SLC25A37: variants seen among roughly 807,000 people sequenced by gnomAD.
SLC25A37 encodes the protein solute carrier family 25 member 37, also known as mitoferrin-1.
Under a neutral mutation model 31.0 loss-of-function variants are expected in SLC25A37, and 17 were observed. The ratio of observed to expected loss-of-function variants is 0.55; its 90% CI spans 0.38 to 0.82. The LOEUF (loss-of-function observed/expected upper bound fraction) is 0.82, where lower values mean the gene tolerates loss of function less well. SLC25A37 is among the 40% of genes least tolerant of loss of function. The probability of loss-of-function intolerance (pLI) is 0.00; values close to 1 mark genes in which losing one functional copy is unlikely to be tolerated. For synonymous variants in SLC25A37, 222 were observed against 193.0 expected, an observed-to-expected ratio of 1.15 and a Z score of -1.24; for missense variants, 404 against 465.8, an observed-to-expected ratio of 0.87 and a Z score of 1.22.
chr8:23,533,114 AAAG>A (rs1338921026), intron 1 of SLC25A37, among the ~76,000 whole-genome samples: 5 of 152,176 alleles, frequency 3.3e-5, no homozygotes, highest in Admixed American at 6.5e-5. Flanking sequence ...AGGAATCAAA[AAAG>A]GGGTATTTGT....
Position 23,572,200 on chromosome 8 carries a change from C to G in SLC25A37, c.*345C>G, listed in dbSNP as rs1238784245. Reference sequence around the variant, plus strand: ...GAAGAAAATTTGCAGTGACTGAAAACAGTAAAAAAAAAAAAAAAAAAAAAA... The same window carrying G: ...GAAGAAAATTTGCAGTGACTGAAAAGAGTAAAAAAAAAAAAAAAAAAAAAA... On this transcript the variant is annotated 3_prime_UTR_variant, in exon 4 of 4. Transcript: ENST00000519973. The G allele has an allele frequency of 3.7e-5, 2 of 54,398 alleles. No homozygotes were observed. Among genetic ancestry groups the G allele is most frequent in the African/African-American group, 2.4e-4 (2 of 8,334 alleles). 3.4% of individuals were successfully genotyped at this position (54,398 alleles called of 1,614,324 possible). A position where few individuals can be genotyped will look rare whatever the true frequency, so the allele number is the denominator to read the frequency against.
In SLC25A37 at chr8:23,573,852, C is replaced by G; in HGVS notation, c.*1997C>G. The G allele has an allele frequency of 2.2e-6, 1 of 456,686 alleles. No homozygotes were observed. Among genetic ancestry groups the G allele is most frequent in the Non-Finnish European group, 4.4e-6 (1 of 226,968 alleles). The allele number at this position is 456,686 out of a possible 1,614,324, so 28.3% of individuals were successfully genotyped here. A position where few individuals can be genotyped will look rare whatever the true frequency, so the allele number is the denominator to read the frequency against. ...CCCACTCCCCAAAACCAGTTGCAGC[C>G]TCAACCCACATGGGGATGTAGAAAG... On this transcript the variant is annotated 3_prime_UTR_variant, in exon 4 of 4. Transcript: ENST00000519973.
intron 1 of SLC25A37, among the ~76,000 whole-genome samples, chr8:23,558,702 C>G (rs1802431262): frequency 6.6e-6 from 1 of 152,176 alleles, no homozygotes; most frequent in African/African-American, 2.4e-5. Flanking sequence ...TTTCACTGTC[C>G]TGGAGCAGAT....
rs1156743581 is a variant in SLC25A37 at position 23,573,703 on chromosome 8, T to C, written c.*1848T>C. 6.9e-6 allele frequency: 3 copies of C among 435,800 alleles called. No individual in the cohort carries two copies. Among genetic ancestry groups the C allele is most frequent in the Non-Finnish European group, 1.4e-5 (3 of 212,232 alleles). 27.0% of individuals were successfully genotyped at this position (435,800 alleles called of 1,614,324 possible). A position where few individuals can be genotyped will look rare whatever the true frequency, so the allele number is the denominator to read the frequency against. ...TGGAGTTCCTTTTTCAGATCAGGGA[T>C]GGGAAAGAGCCAAACTGGGTACCTC... On this transcript the variant is annotated 3_prime_UTR_variant, in exon 4 of 4. Coordinates refer to ENST00000519973, the MANE Select transcript of SLC25A37 (RefSeq NM_016612.4).
rs1802949975 is a variant in SLC25A37, at chr8:23,575,103, TTTAAAATGCTCATG to T, written c.*3250_*3263del. ...GTTTGCTTTCTTCATTTTTTTTTCTTTTAAAATGCTCATGTCTTATTCCAAGCACCTTCCTCCAA... is the reference window on the plus strand; with the variant it reads ...GTTTGCTTTCTTCATTTTTTTTTCTTTCTTATTCCAAGCACCTTCCTCCAA... On this transcript the variant is annotated 3_prime_UTR_variant, in exon 4 of 4. Transcript: ENST00000519973. 1 of 152,230 alleles carries T rather than the reference TTTAAAATGCTCATG, an allele frequency of 6.6e-6. No homozygotes were observed. The highest frequency in any genetic ancestry group is 2.4e-5 in the African/African-American group (1 of 41,460). 9.4% of individuals were successfully genotyped at this position (152,230 alleles called of 1,614,324 possible). A position where few individuals can be genotyped will look rare whatever the true frequency, so the allele number is the denominator to read the frequency against.
At chr8:23,561,452 GA>G (rs1802513384) in intron 1 of SLC25A37, among the ~76,000 whole-genome samples, 1 of 152,230 alleles carries the variant, frequency 6.6e-6, no homozygotes, top group South Asian at 2.1e-4. Context: ...GTGGGATGGG[GA>G]CAGTCATTAT....
intron 1 of SLC25A37, among the ~76,000 whole-genome samples, chr8:23,531,089 C>T (rs1311280557): frequency 2.0e-5 from 3 of 152,160 alleles, no homozygotes; most frequent in Non-Finnish European, 2.9e-5. Flanking sequence ...TAAAACAAGG[C>T]GTGGGTTAGC....
chr8:23,536,127 G>A (rs1208575249), intron 1 of SLC25A37, among the ~76,000 whole-genome samples: 2 of 152,078 alleles, frequency 1.3e-5, no homozygotes, highest in East Asian at 1.9e-4. Context: ...TGAGTGACTC[G>A]GTTCCAGGAT....
rs533962855 is a variant in SLC25A37, at chr8:23,572,670, T to G, written c.*815T>G. 6.6e-6 allele frequency: 1 copy of G among 152,314 alleles called. No individual in the cohort carries two copies. The highest frequency in any genetic ancestry group is 1.9e-4 in the East Asian group (1 of 5,186). 9.4% of individuals were successfully genotyped at this position (152,314 alleles called of 1,614,324 possible). On this transcript the variant is annotated 3_prime_UTR_variant, in exon 4 of 4. Transcript: ENST00000519973. Reference sequence around the variant, plus strand: ...AGCCACCTTCATGTGCCTTTTTCCTTTGTCTTTCCCCAAAATTCCAGGACC... The same window carrying G: ...AGCCACCTTCATGTGCCTTTTTCCTGTGTCTTTCCCCAAAATTCCAGGACC...
intron 1 of SLC25A37, among the ~76,000 whole-genome samples, chr8:23,549,573 G>A (rs1008385412): frequency 3.9e-5 from 6 of 152,154 alleles, no homozygotes; most frequent in Admixed American, 2.0e-4. Context: ...CCCTTAGAAC[G>A]GCAAGCCTGG....
intron 1 of SLC25A37, among the ~76,000 whole-genome samples, chr8:23,556,433 C>G (rs1802367944): frequency 6.6e-6 from 1 of 151,876 alleles, no homozygotes; most frequent in Non-Finnish European, 1.5e-5. Context: ...GCTATGTTGT[C>G]CAGACTGGGC....
In SLC25A37 at chr8:23,537,509, G is replaced by A. The variant is rs142270781; in HGVS notation, c.210+8297G>A. Among the ~76,000 whole-genome samples, 1,009 of 152,262 alleles carry A rather than the reference G, an allele frequency of 6.6e-3. 11 individuals carry two copies. Among genetic ancestry groups the A allele is most frequent in the African/African-American group, 0.023 (963 of 41,556 alleles). ...GGAGCTTCTGCAGTTCATTCTGCACGTCAGCCATGGCTGGTCCTGCTCTTC... is the reference window on the plus strand; with the variant it reads ...GGAGCTTCTGCAGTTCATTCTGCACATCAGCCATGGCTGGTCCTGCTCTTC... On this transcript the variant is annotated intron_variant, in intron 1 of 3. Coordinates refer to ENST00000519973, the MANE Select transcript of SLC25A37 (RefSeq NM_016612.4).
intron 1 of SLC25A37, among the ~76,000 whole-genome samples, chr8:23,560,776 A>G (rs1024932928): frequency 2.6e-5 from 4 of 152,238 alleles, no homozygotes; most frequent in Admixed American, 2.6e-4. Flanking sequence ...TCAATCTTTT[A>G]GAGGTTTATT....
Position 23,529,236 on chromosome 8 carries a change from G to A in SLC25A37, c.210+24G>A, listed in dbSNP as rs770289567. 8 of 1,594,888 alleles carry A rather than the reference G, an allele frequency of 5.0e-6. No individual in the cohort carries two copies. The highest frequency in any genetic ancestry group is 1.4e-5 in the African/African-American group (1 of 73,256). On this transcript the variant is annotated intron_variant, in intron 1 of 3. Transcript: ENST00000519973. This position sits in a 1 kb window ranked among gnomAD's most constrained non-coding sequence, Gnocchi z 4.1. ...AGGTGAGGCGCGGGGAGACTTCGGGGACGCAACGAGCGGAGAAGGAGCGCG... is the reference window on the plus strand; with the variant it reads ...AGGTGAGGCGCGGGGAGACTTCGGGAACGCAACGAGCGGAGAAGGAGCGCG...
chr8:23,533,348 G>A (rs1004772918), intron 1 of SLC25A37, among the ~76,000 whole-genome samples: 2 of 152,192 alleles, frequency 1.3e-5, no homozygotes, highest in African/African-American at 4.8e-5. Flanking sequence ...GGTTGAATGG[G>A]AGGATTTAAT....
chr8:23,564,991 T>G (rs190988485), intron 1 of SLC25A37, among the ~76,000 whole-genome samples: 14 of 152,178 alleles, frequency 9.2e-5, no homozygotes, highest in Non-Finnish European at 1.9e-4. Flanking sequence ...TTGACCCACA[T>G]GATTGTGGGG....
chr8:23,542,532 G>C (rs112022200), intron 1 of SLC25A37, among the ~76,000 whole-genome samples: 1 of 151,706 alleles, frequency 6.6e-6, no homozygotes, highest in Non-Finnish European at 1.5e-5. Context: ...GGCATGCACC[G>C]CCACGCACGG....
At chr8:23,560,931 A>G (rs2942202) in intron 1 of SLC25A37, among the ~76,000 whole-genome samples, 1 of 151,896 alleles carries the variant, frequency 6.6e-6, no homozygotes, top group East Asian at 1.9e-4. Context: ...AAATAAAAGA[A>G]GGAAGGGTAG....
At chr8:23,568,502 A>G in intron 3 of SLC25A37, 124 bp downstream of exon 3, 1 of 1,068,362 alleles carries the variant, frequency 9.4e-7, no homozygotes, top group Non-Finnish European at 1.4e-6. Context: ...GTCAGAGCAG[A>G]CAGGAGAATT....
Sources: gnomAD v4.1 joint callset for allele counts (sites outside exome capture counted in the v4.1 genomes callset) on GRCh38, gnomAD v4.1.1 for gene constraint, Gnocchi (gnomAD v3.1) non-coding constraint, MANE v1.5 for transcripts, NCBI Gene and HGNC (gene_info 2026-07-23, HGNC 2026-07-21) for gene names.